Variants in FMN1 observed in about 807,000 individuals in gnomAD.
FMN1 encodes formin 1.
Under a neutral mutation model 132.4 loss-of-function variants are expected in FMN1, and 110 were observed. That is an observed-to-expected ratio of 0.83 (90% CI 0.71 to 0.97). FMN1 has a LOEUF of 0.97. Ranked by LOEUF, FMN1 falls within the 50% of genes least tolerant of loss-of-function variation. The probability of loss-of-function intolerance (pLI) is 0.00; values close to 1 mark genes in which losing one functional copy is unlikely to be tolerated. For synonymous variants in FMN1, 722 were observed against 651.7 expected (o/e 1.11, Z -1.64); for missense variants, 1,792 against 1,705.3 (o/e 1.05, Z -0.90).
chr15:33,105,105 G>A (rs1181778460), intron 4 of FMN1, among the ~76,000 whole-genome samples: 10 of 151,976 alleles, frequency 6.6e-5, no homozygotes, highest in Admixed American at 6.6e-4. Flanking sequence ...TTCAAAGAGG[G>A]AATGAGCAAC....
At chr15:33,073,498 G>C (rs902811762) in intron 5 of FMN1, among the ~76,000 whole-genome samples, 4 of 152,162 alleles carry the variant, frequency 2.6e-5, no homozygotes, top group African/African-American at 9.7e-5. Context: ...ATATGGGTAG[G>C]TTAATGGGTG....
intron 7 of FMN1, among the ~76,000 whole-genome samples, chr15:32,996,352 G>A (rs1339390751): frequency 6.6e-6 from 1 of 152,158 alleles, no homozygotes; most frequent in African/African-American, 2.4e-5. Flanking sequence ...ATTGCATTTT[G>A]TTTAATGAAT....
intron 14 of FMN1, among the ~76,000 whole-genome samples, chr15:32,899,204 G>A (rs376071921): frequency 1.3e-5 from 2 of 152,208 alleles, no homozygotes; most frequent in South Asian, 2.1e-4. Context: ...GACAGGAGGT[G>A]CGGGGAATGC....
At chr15:33,059,776 T>G (rs1049192542) in intron 6 of FMN1, among the ~76,000 whole-genome samples, 3 of 152,236 alleles carry the variant, frequency 2.0e-5, no homozygotes, top group Non-Finnish European at 2.9e-5. Flanking sequence ...TGTTTGCAGC[T>G]CTCAGTTTTT....
intron 17 of FMN1, among the ~76,000 whole-genome samples, chr15:32,812,992 G>A (rs1343536275): frequency 1.1e-5 from 1 of 93,262 alleles, no homozygotes; most frequent in African/African-American, 2.8e-5. Flanking sequence ...AAACATTTGG[G>A]GAAAAAATGG....
chr15:33,056,991 C>T (rs2879367), intron 6 of FMN1, among the ~76,000 whole-genome samples: 64,757 of 151,912 alleles, frequency 0.43, 14,265 homozygotes, highest in Middle Eastern at 0.5. Flanking sequence ...GCCTGGCCAA[C>T]ATGGCAAAAC....
chr15:32,955,731 C>A (rs1022133629), intron 9 of FMN1, among the ~76,000 whole-genome samples: 1 of 152,132 alleles, frequency 6.6e-6, no homozygotes, highest in Non-Finnish European at 1.5e-5. Flanking sequence ...AAACAGATAA[C>A]CCCAAATCTA....
intron 17 of FMN1, among the ~76,000 whole-genome samples, chr15:32,853,805 G>A (rs1188168873): frequency 1.3e-5 from 2 of 152,194 alleles, no homozygotes; most frequent in Admixed American, 1.3e-4. Flanking sequence ...AGCCCCACTT[G>A]AGAGCCAAAC....
At chr15:33,018,756 G>A (rs2035230889) in intron 6 of FMN1, among the ~76,000 whole-genome samples, 1 of 152,118 alleles carries the variant, frequency 6.6e-6, no homozygotes, top group Admixed American at 6.5e-5. Context: ...TCCCTCTGAT[G>A]TTCGGATGTG....
intron 17 of FMN1, among the ~76,000 whole-genome samples, chr15:32,851,688 G>A (rs2059012393): frequency 6.6e-6 from 1 of 152,160 alleles, no homozygotes; most frequent in Non-Finnish European, 1.5e-5. Flanking sequence ...CCACAGTTTT[G>A]TCAAATAACA....
chr15:33,185,591 A>T (rs866682898), intron 2 of FMN1, among the ~76,000 whole-genome samples: 867 of 75,058 alleles, frequency 0.012, 12 homozygotes, highest in African/African-American at 0.069. Flanking sequence ...TTTTTTTTTT[A>T]CACAGAGTTT....
intron 6 of FMN1, among the ~76,000 whole-genome samples, chr15:33,028,096 T>TA (rs2035764717): frequency 6.6e-6 from 1 of 152,202 alleles, no homozygotes; most frequent in Non-Finnish European, 1.5e-5. Flanking sequence ...GACTACATAT[T>TA]ACAATCACCT....
intron 17 of FMN1, among the ~76,000 whole-genome samples, chr15:32,853,861 G>C (rs1213090889): frequency 6.6e-6 from 1 of 152,186 alleles, no homozygotes; most frequent in Non-Finnish European, 1.5e-5. Flanking sequence ...GTGAAACTCT[G>C]CATTCCAGTA....
At chr15:33,053,644 T>C (rs574995651) in intron 6 of FMN1, among the ~76,000 whole-genome samples, 2 of 152,224 alleles carry the variant, frequency 1.3e-5, no homozygotes, top group South Asian at 2.1e-4. Context: ...ATCTCAAGTT[T>C]GATAATTTCC....
chr15:32,869,521 A>T (rs8027615), intron 16 of FMN1, among the ~76,000 whole-genome samples: 1 of 152,036 alleles, frequency 6.6e-6, no homozygotes, highest in South Asian at 2.1e-4. Context: ...ACACTCAAGT[A>T]TATATAAAAG....
chr15:33,015,407 C>T (rs1392147624), intron 6 of FMN1, among the ~76,000 whole-genome samples: 2 of 152,068 alleles, frequency 1.3e-5, no homozygotes, highest in Non-Finnish European at 2.9e-5. Flanking sequence ...GATTATGATT[C>T]GTCTGTCTTT....
chr15:32,877,064 TC>T, intron 16 of FMN1, among the ~76,000 whole-genome samples: 1 of 152,276 alleles, frequency 6.6e-6, no homozygotes, highest in Non-Finnish European at 1.5e-5. Flanking sequence ...GGCAGGTGGA[TC>T]ACCTGAAGTC....
chr15:33,117,273 C>G (rs965907771), intron 4 of FMN1, among the ~76,000 whole-genome samples: 5 of 152,130 alleles, frequency 3.3e-5, no homozygotes, highest in African/African-American at 2.4e-5. Context: ...CTGGCAATAA[C>G]AACGAAAGTA....
At chr15:32,901,064 G>A (rs981000034) in intron 13 of FMN1, among the ~76,000 whole-genome samples, 1 of 152,058 alleles carries the variant, frequency 6.6e-6, no homozygotes, top group Non-Finnish European at 1.5e-5. Flanking sequence ...TGAGGCAGGA[G>A]AATCGCTTGA....
Sources: allele counts gnomAD v4.1 joint callset (sites outside exome capture counted in the v4.1 genomes callset), GRCh38; gene constraint gnomAD v4.1.1; transcripts MANE v1.5; gene names NCBI Gene and HGNC (gene_info 2026-07-23, HGNC 2026-07-21).